The following MTMR4 variants were observed in gnomAD, a reference collection of about 807,000 sequenced individuals.
The protein encoded by MTMR4 is phosphatidylinositol-3,5-bisphosphate 3-phosphatase MTMR4.
In MTMR4, 30 loss-of-function variants were observed where a neutral mutation model predicts 125.5. The observed-to-expected ratio is 0.24, with a 90% confidence interval of 0.18 to 0.32. MTMR4 has a LOEUF of 0.32. Among genes scored for constraint, MTMR4 ranks in the 10% least tolerant of loss-of-function variants. The pLI is 1.00. For missense variants in MTMR4, 1,039 were observed against 1,511.5 expected, an observed-to-expected ratio of 0.69 and a Z score of 5.18; for synonymous variants, 498 against 564.5, an observed-to-expected ratio of 0.88 and a Z score of 1.67.
At chr17:58,514,161 C>T (rs1157016726) in intron 1 of MTMR4, 1 of 327,096 alleles carries the variant, frequency 3.1e-6, no homozygotes, top group Admixed American at 6.5e-5. Context: ...ACAGAATTTC[C>T]ATTCCTGGCC....
At chr17:58,494,320 CAA>C (rs59888430) in intron 15 of MTMR4, among the ~76,000 whole-genome samples, 34 of 88,920 alleles carry the variant, frequency 3.8e-4, no homozygotes, top group Admixed American at 1.2e-3. Flanking sequence ...GACTCCGTCT[CAA>C]AAAAAAAAAA....
chr17:58,505,727 G>A, intron 9 of MTMR4, 144 bp from the exon 10 acceptor site: 2 of 466,396 alleles, frequency 4.3e-6, no homozygotes, highest in Non-Finnish European at 8.1e-6. Context: ...GACTAACACA[G>A]TGAAACCCCA....
Position 58,512,309 on chromosome 17 carries a change from C to G in MTMR4, c.252+81G>C. 1 of 1,260,054 alleles carries G rather than the reference C, an allele frequency of 7.9e-7. No individual in the cohort carries two copies. The highest frequency in any genetic ancestry group is 1.2e-6 in the Non-Finnish European group (1 of 864,002). 78.1% of individuals were successfully genotyped at this position (1,260,054 alleles called of 1,614,324 possible). On this transcript the variant is annotated intron_variant, in intron 3 of 17. Coordinates refer to ENST00000682306, the MANE Select transcript of MTMR4 (RefSeq NM_001378067.1). This position sits in a 1 kb window ranked among gnomAD's most constrained non-coding sequence, Gnocchi z 4.1. ...CCTCCAACTTTTTTAATGACATGAT[C>G]AAGGACAGCCTTGGAACAATCCCAC...
rs761765925 is a variant in MTMR4 at position 58,508,885 on chromosome 17, T to G, written c.336-44A>C. ...CAGGCCTAGGTGAGGCAAAGTGCAG[T>G]TGTGCCATGGGGCTATCAGGGCCAA... is the stretch of plus-strand genomic sequence containing the variant. On this transcript the variant is annotated intron_variant, in intron 4 of 17. Transcript: ENST00000682306. This position sits in a 1 kb window ranked among gnomAD's most constrained non-coding sequence, Gnocchi z 4.8. 8 of 1,594,530 alleles carry G rather than the reference T, an allele frequency of 5.0e-6. No individual in the cohort carries two copies. Among genetic ancestry groups the G allele is most frequent in the Non-Finnish European group, 8.6e-7 (1 of 1,165,600 alleles).
At chr17:58,506,914 C>T in intron 8 of MTMR4, 43 bp from the exon 9 acceptor site, 1 of 1,597,936 alleles carries the variant, frequency 6.3e-7, no homozygotes, top group Non-Finnish European at 8.5e-7. Context: ...AGCCAGCCAC[C>T]CAACCTCTTG....
chr17:58,508,964 A>C lies in MTMR4; in HGVS notation c.336-123T>G, dbSNP rs1384677492. 1 of 1,092,766 alleles carries C rather than the reference A, an allele frequency of 9.2e-7. No individual in the cohort carries two copies. Among genetic ancestry groups the C allele is most frequent in the Non-Finnish European group, 1.3e-6 (1 of 768,514 alleles). The allele number at this position is 1,092,766 out of a possible 1,614,324, so 67.7% of individuals were successfully genotyped here. A position where few individuals can be genotyped will look rare whatever the true frequency, so the allele number is the denominator to read the frequency against. On this transcript the variant is annotated intron_variant, in intron 4 of 17. Transcript: ENST00000682306. The surrounding 1 kb of genome is among the most constrained non-coding windows in gnomAD (Gnocchi z 4.8). ...GAGAAGGCTGCAAAGCAAGAGGTAA[A>C]GCAGTGGGGACCCAGGGTGGGGGGA...
At chr17:58,497,192 T>C (rs1376250197) in intron 14 of MTMR4, among the ~76,000 whole-genome samples, 1 of 152,242 alleles carries the variant, frequency 6.6e-6, no homozygotes, top group African/African-American at 2.4e-5. Context: ...CTCCTATTTT[T>C]AGATGGCTCA....
intron 16 of MTMR4, 115 bp downstream of exon 16, chr17:58,492,727 C>A: frequency 7.5e-7 from 1 of 1,341,080 alleles, no homozygotes; most frequent in Non-Finnish European, 1.1e-6. Flanking sequence ...CATTTGCCTA[C>A]CAGGCTGACA....
chr17:58,518,081 C>T (rs970460161), upstream of MTMR4, among the ~76,000 whole-genome samples: 1 of 152,218 alleles, frequency 6.6e-6, no homozygotes, highest in African/African-American at 2.4e-5. Flanking sequence ...TGCCTAAAGA[C>T]GAGACTATAC....
At position 58,507,172 on chromosome 17, in the gene MTMR4, G is replaced by T. The variant is rs201264669; in HGVS notation, c.855C>A (p.Ser285=). Residue 285 remains serine, a synonymous_variant, in exon 8 of 18, where the codon TCC becomes TCA. Coordinates refer to ENST00000682306, the MANE Select transcript of MTMR4 (RefSeq NM_001378067.1). ...TGGTATCATTATTCCCGGTGCTGAG[G>T]GAGCCCCCAGTGGCCCTTGTCCCCG... ...LDPGTRATGG[S]LSTGNNDTSE... 1 of 1,614,156 alleles carries T rather than the reference G, an allele frequency of 6.2e-7. No homozygotes were observed. Among genetic ancestry groups the T allele is most frequent in the African/African-American group, 1.3e-5 (1 of 75,014 alleles).
chr17:58,496,349 C>A lies in MTMR4; in HGVS notation c.1854-19G>T, dbSNP rs1975468173. On this transcript the variant is annotated intron_variant, in intron 14 of 17. Coordinates refer to ENST00000682306, the MANE Select transcript of MTMR4 (RefSeq NM_001378067.1). ...AGGTAATCTGGAAAGACAAATATAA[C>A]ACCTCCAGGTCAGGAGATGGGCACT... 1.3e-6 allele frequency: 2 copies of A among 1,580,964 alleles called. No homozygotes were observed. The highest frequency in any genetic ancestry group is 1.8e-5 in the Admixed American group (1 of 55,286).
chr17:58,491,760 A>G lies in MTMR4; in HGVS notation c.3533T>C (p.Leu1178Pro). 6.2e-7 allele frequency: 1 copy of G among 1,614,206 alleles called. No homozygotes were observed. The highest frequency in any genetic ancestry group is 8.5e-7 in the Non-Finnish European group (1 of 1,180,018). ...GTGTTCGTAACATGAGTTACAGACG[A>G]GAACTGGGTCATAGAGTTGCTGATC... is the stretch of plus-strand genomic sequence containing the variant. ...IPDQQLYDPV[L>P]VCNSCYEHIQ... The change falls in exon 18 of 18, where the codon CTC becomes CCC. Residue 1178 changes from leucine (L) to proline (P), a missense_variant. Leu to Pro is a moderately conservative substitution (Grantham distance 98). Around this residue, in one of 6 missense-constraint regions of MTMR4, gnomAD observed 60 missense variants for 129.6 expected, o/e 0.46. Transcript: ENST00000682306.
At chr17:58,501,238 T>C (rs1338270150) in intron 14 of MTMR4, among the ~76,000 whole-genome samples, 1 of 152,206 alleles carries the variant, frequency 6.6e-6, no homozygotes, top group Non-Finnish European at 1.5e-5. Context: ...AGGCTGGGCA[T>C]GGTGGCTCAC....
chr17:58,490,804 C>T lies in MTMR4; in HGVS notation c.*859G>A, dbSNP rs1353631452. 6.6e-6 allele frequency: 1 copy of T among 152,606 alleles called. No individual in the cohort carries two copies. Among genetic ancestry groups the T allele is most frequent in the East Asian group, 1.9e-4 (1 of 5,194 alleles). 9.5% of individuals were successfully genotyped at this position (152,606 alleles called of 1,614,324 possible). On this transcript the variant is annotated 3_prime_UTR_variant, in exon 18 of 18. Coordinates refer to ENST00000682306, the MANE Select transcript of MTMR4 (RefSeq NM_001378067.1). The stretch of plus-strand genomic sequence containing the variant: ...AGCTCCTGTGTTAGCACCAGGACAA[C>T]TAGGAAAAGTCAGGTGCAAAGAGTA...
rs920720605 is a variant in MTMR4, at chr17:58,512,685, C to T, written c.135+167G>A. Among the ~76,000 whole-genome samples, 16 of 152,310 alleles carry T rather than the reference C, an allele frequency of 1.1e-4. No individual in the cohort carries two copies. Among genetic ancestry groups the T allele is most frequent in the East Asian group, 1.9e-4 (1 of 5,186 alleles). On this transcript the variant is annotated intron_variant, in intron 2 of 17. Coordinates refer to ENST00000682306, the MANE Select transcript of MTMR4 (RefSeq NM_001378067.1). This position sits in a 1 kb window ranked among gnomAD's most constrained non-coding sequence, Gnocchi z 4.1. ...CAGGAAAGCTGCCTTTCCTTCCCTG[C>T]GGCCAAAGGCTCCAGGATGCGCAGA... is the stretch of plus-strand genomic sequence containing the variant.
In MTMR4 at chr17:58,508,365, T is replaced by C. The variant is rs1975832038; in HGVS notation, c.594-91A>G. On this transcript the variant is annotated intron_variant, in intron 6 of 17. Coordinates refer to ENST00000682306, the MANE Select transcript of MTMR4 (RefSeq NM_001378067.1). The surrounding 1 kb of genome is among the most constrained non-coding windows in gnomAD (Gnocchi z 4.8). ...GATGGCTTTGTGGGAAGAGAAACCA[T>C]GAGCCTTCCTCCCTCTCAGACTCAG... The C allele has an allele frequency of 3.9e-6, 6 of 1,544,356 alleles. No individual in the cohort carries two copies. The highest frequency in any genetic ancestry group is 9.0e-7 in the Non-Finnish European group (1 of 1,117,208).
chr17:58,508,404 C>T lies in MTMR4; in HGVS notation c.593+64G>A. ...TCTCAGACTCAGAAGCTGTGCCCAC[C>T]ACACTTTATCCAAACACGGAAGTAG... On this transcript the variant is annotated intron_variant, in intron 6 of 17. Coordinates refer to ENST00000682306, the MANE Select transcript of MTMR4 (RefSeq NM_001378067.1). The surrounding 1 kb of genome is among the most constrained non-coding windows in gnomAD (Gnocchi z 4.8). 6.3e-7 allele frequency: 1 copy of T among 1,584,550 alleles called. No homozygotes were observed. The highest frequency in any genetic ancestry group is 1.1e-5 in the South Asian group (1 of 90,406).
At chr17:58,514,298 G>T in intron 1 of MTMR4, 65 bp downstream of exon 1, 1 of 987,512 alleles carries the variant, frequency 1.0e-6, no homozygotes, top group Middle Eastern at 4.5e-4. Context: ...GGCTGAAATC[G>T]AGGGCTGACC....
chr17:58,494,320 C>CAAA (rs59888430), intron 15 of MTMR4, among the ~76,000 whole-genome samples: 29 of 88,830 alleles, frequency 3.3e-4, no homozygotes, highest in Admixed American at 7.2e-4. Flanking sequence ...GACTCCGTCT[C>CAAA]AAAAAAAAAA....
Sources: gnomAD v4.1 joint callset for allele counts (sites outside exome capture counted in the v4.1 genomes callset) on GRCh38, gnomAD v4.1.1 for gene constraint, gnomAD v4.1.1 regional missense constraint, Gnocchi (gnomAD v3.1) non-coding constraint, MANE v1.5 for transcripts, NCBI Gene and HGNC (gene_info 2026-07-23, HGNC 2026-07-21) for gene names.